Variants in DENND1B observed in about 807,000 individuals in gnomAD.
The protein encoded by DENND1B is DENN domain containing 1B.
Under a neutral mutation model 90.1 loss-of-function variants are expected in DENND1B, and 59 were observed. The observed-to-expected ratio is 0.65, with a 90% CI of 0.53 to 0.81. DENND1B has a LOEUF of 0.81. Among genes scored for constraint, DENND1B ranks in the 40% least tolerant of loss-of-function variants. The pLI, the probability that DENND1B is intolerant of heterozygous loss-of-function variation, is 0.00. For missense variants in DENND1B, 862 were observed against 912.6 expected, an observed-to-expected ratio of 0.94 and a Z score of 0.71; for synonymous variants, 337 against 324.6, an observed-to-expected ratio of 1.04 and a Z score of -0.41.
At chr1:197,730,637 T>C (rs527961601) in intron 2 of DENND1B, among the ~76,000 whole-genome samples, 1 of 152,238 alleles carries the variant, frequency 6.6e-6, no homozygotes, top group Non-Finnish European at 1.5e-5. Context: ...AAAGGGCTAC[T>C]TGAATTTTTT....
intron 3 of DENND1B, among the ~76,000 whole-genome samples, chr1:197,707,768 C>T (rs1298958224): frequency 6.7e-6 from 1 of 148,706 alleles, no homozygotes; most frequent in Non-Finnish European, 1.5e-5. Context: ...CAGCTCCCAG[C>T]GTGAGCGACG....
rs374821961 is a variant in DENND1B, at chr1:197,773,929, C to T, written c.18-997G>A. On this transcript the variant is annotated intron_variant, in intron 1 of 22. Transcript: ENST00000620048. Reference sequence around the variant, plus strand: ...TTTAATATGTACTTCCTTCAAGAAACGAATGCCAGCTCTGACTTTAAAAAA... The same window carrying T: ...TTTAATATGTACTTCCTTCAAGAAATGAATGCCAGCTCTGACTTTAAAAAA... Among the ~76,000 whole-genome samples the T allele has an allele frequency of 9.9e-5, 15 of 152,168 alleles. No homozygotes were observed. The East Asian group carries it at 2.7e-3, about 27-fold the overall frequency.
intron 15 of DENND1B, among the ~76,000 whole-genome samples, chr1:197,575,581 G>A (rs1030620952): frequency 1.3e-5 from 2 of 152,074 alleles, no homozygotes; most frequent in Admixed American, 6.5e-5. Context: ...CCCATTACTG[G>A]GTATTTACCC....
intron 10 of DENND1B, among the ~76,000 whole-genome samples, chr1:197,639,782 G>T (rs1356521362): frequency 6.6e-6 from 1 of 151,940 alleles, no homozygotes; most frequent in Non-Finnish European, 1.5e-5. Flanking sequence ...TAAGAAATGA[G>T]TCCTTGACCT....
chr1:197,735,043 G>T, intron 2 of DENND1B: 1 of 985,064 alleles, frequency 1.0e-6, no homozygotes. Flanking sequence ...TGTAGAAAAA[G>T]CGGACAAAAT....
intron 2 of DENND1B, among the ~76,000 whole-genome samples, chr1:197,749,230 C>T (rs1653125728): frequency 6.6e-6 from 1 of 151,996 alleles, no homozygotes; most frequent in African/African-American, 2.4e-5. Flanking sequence ...AAAACAGCTT[C>T]AATAAAATAA....
intron 3 of DENND1B, among the ~76,000 whole-genome samples, chr1:197,684,558 G>A (rs533737172): frequency 2.0e-5 from 3 of 151,914 alleles, no homozygotes; most frequent in Non-Finnish European, 4.4e-5. Flanking sequence ...AAAGGGATGG[G>A]GTATGAAAGA....
intron 18 of DENND1B, among the ~76,000 whole-genome samples, chr1:197,545,008 GACGACGACGACGA>G (rs1670682005): frequency 1.0e-4 from 4 of 39,182 alleles, no homozygotes; most frequent in East Asian, 1.1e-3. Flanking sequence ...GGAAGACGAC[GACGACGACGACGA>G]AAGAAGGAGG....
intron 10 of DENND1B, among the ~76,000 whole-genome samples, chr1:197,618,939 G>A (rs985044577): frequency 6.0e-5 from 9 of 151,180 alleles, no homozygotes; most frequent in African/African-American, 2.2e-4. Context: ...CTATGTTTAA[G>A]TGCAAAATAG....
In DENND1B at chr1:197,595,256, T is replaced by C. The variant is rs1675579828; in HGVS notation, c.999A>G (p.Ala333=). ...TGTAGGATCCAAACAAAGCAGCCTGTGCTCTAAGAAAGGCCCTAGCTACTC... is the reference window on the plus strand; with the variant it reads ...TGTAGGATCCAAACAAAGCAGCCTGCGCTCTAAGAAAGGCCCTAGCTACTC... ...GDGVARAFLR[A]QAALFGSYRD... is the part of the protein sequence containing the mutation. The change falls in exon 14 of 23, where the codon GCA becomes GCG. Residue 333 remains alanine (A), a synonymous_variant. Coordinates refer to ENST00000620048, the MANE Select transcript of DENND1B (RefSeq NM_001195215.2). 6.2e-7 allele frequency: 1 copy of C among 1,613,422 alleles called. No individual in the cohort carries two copies. The highest frequency in any genetic ancestry group is 8.5e-7 in the Non-Finnish European group (1 of 1,179,480).
chr1:197,734,702 T>C, intron 2 of DENND1B: 1 of 985,124 alleles, frequency 1.0e-6, no homozygotes, highest in South Asian at 4.7e-5. Flanking sequence ...GTGTAACTAC[T>C]GTATACAGGA....
At chr1:197,638,607 A>G (rs949626906) in intron 10 of DENND1B, among the ~76,000 whole-genome samples, 26 of 152,204 alleles carry the variant, frequency 1.7e-4, no homozygotes, top group African/African-American at 5.5e-4. Flanking sequence ...ATGGCTTTAA[A>G]CAGCAATCCA....
chr1:197,593,381 G>A (rs12141028), intron 14 of DENND1B, among the ~76,000 whole-genome samples: 26,709 of 147,768 alleles, frequency 0.18, 2,916 homozygotes, highest in Middle Eastern at 0.37. Flanking sequence ...CAGCAGAAAT[G>A]AAAACAGGAA....
chr1:197,730,792 A>T (rs955036488), intron 2 of DENND1B, among the ~76,000 whole-genome samples: 4 of 152,032 alleles, frequency 2.6e-5, no homozygotes, highest in Non-Finnish European at 4.4e-5. Flanking sequence ...ACATTATTAA[A>T]CCTGTTTCCT....
chr1:197,595,319 T>C lies in DENND1B; in HGVS notation c.936A>G (p.Lys312=). The change falls in exon 14 of 23, where the codon AAA becomes AAG. Residue 312 remains lysine, a synonymous_variant. Coordinates refer to ENST00000620048, the MANE Select transcript of DENND1B (RefSeq NM_001195215.2). ...CTGTAGACTGCTTCTTCAGTTTATT[T>C]TTCAAGGCCGAGACCTGCATGACAG... is the stretch of plus-strand genomic sequence containing the variant. The part of the protein sequence containing the change: ...NLPSDVVSAL[K]NKLKKQSTAT... The C allele has an allele frequency of 6.2e-7, 1 of 1,612,902 alleles. No homozygotes were observed. Among genetic ancestry groups the C allele is most frequent in the Non-Finnish European group, 8.5e-7 (1 of 1,179,166 alleles).
rs1370476330 is a variant in DENND1B at position 197,617,746 on chromosome 1, A to G, written c.686T>C (p.Ile229Thr). The G allele has an allele frequency of 6.2e-7, 1 of 1,607,088 alleles. No individual in the cohort carries two copies. The change falls in exon 11 of 23, where the codon ATC becomes ACC. Residue 229 changes from isoleucine to threonine, a missense_variant. Transcript: ENST00000620048. ...GTATAGAAGAGCAGCTGATCCATGGATACAGGCAGTTAACTGAAATTTGTA... is the reference window on the plus strand; with the variant it reads ...GTATAGAAGAGCAGCTGATCCATGGGTACAGGCAGTTAACTGAAATTTGTA... ...SSKLSTLTACIHGSAALLYPM... is the reference protein window; with the variant it reads ...SSKLSTLTACTHGSAALLYPM...
chr1:197,736,348 C>CTCTA (rs747122538), intron 2 of DENND1B, among the ~76,000 whole-genome samples: 11 of 151,944 alleles, frequency 7.2e-5, no homozygotes, highest in Non-Finnish European at 1.3e-4. Flanking sequence ...CTGTCTGTCT[C>CTCTA]TCTATCTATC....
At chr1:197,600,471 C>T (rs749039959) in intron 13 of DENND1B, among the ~76,000 whole-genome samples, 6 of 151,676 alleles carry the variant, frequency 4.0e-5, no homozygotes, top group Non-Finnish European at 8.8e-5. Flanking sequence ...GGATTCTCCT[C>T]TTTACTCTAC....
intron 10 of DENND1B, among the ~76,000 whole-genome samples, chr1:197,638,150 A>G (rs1679954973): frequency 1.3e-5 from 2 of 152,226 alleles, no homozygotes; most frequent in Admixed American, 6.5e-5. Flanking sequence ...GAGGAGAGAA[A>G]AGCATATGCT....
Sources: allele counts gnomAD v4.1 joint callset (sites outside exome capture counted in the v4.1 genomes callset), GRCh38; gene constraint gnomAD v4.1.1; transcripts MANE v1.5; gene names NCBI Gene and HGNC (gene_info 2026-07-23, HGNC 2026-07-21).